Variants in TNXB observed in about 807,000 individuals in gnomAD.
TNXB encodes tenascin-X.
In TNXB, 183 loss-of-function variants were observed where a neutral mutation model predicts 340.5. That is an observed-to-expected ratio of 0.54 (90% CI 0.48 to 0.61). TNXB has a LOEUF of 0.61. Ranked by LOEUF, TNXB falls within the 20% of genes least tolerant of loss-of-function variation. TNXB has a pLI of 0.00. For synonymous variants in TNXB, 2,121 were observed against 2,314.5 expected (o/e 0.92, Z 2.40); for missense variants, 4,613 against 5,446.4 (o/e 0.85, Z 4.82).
rs1406340228 is a variant in TNXB, at chr6:32,096,992, C to T, written c.861G>A (p.Arg287=). The T allele has an allele frequency of 3.1e-6, 5 of 1,613,048 alleles. No individual in the cohort carries two copies. In the South Asian group the frequency reaches 5.5e-5, roughly 18 times the overall value. ...CGCAGCGCCCATTCTCACAGCGCCC[C>T]CTCTGACTGCAACCGCGAGGGCAGC... ...MRSCPRGCSQ[R]GRCENGRCVC... Residue 287 remains arginine (R), a synonymous_variant, in exon 3 of 44, where the codon AGG becomes AGA. Transcript: ENST00000644971.
Position 32,061,770 on chromosome 6 carries a change from T to C in TNXB, c.7169-50A>G, listed in dbSNP as rs765262574. 3 of 1,586,854 alleles carry C rather than the reference T, an allele frequency of 1.9e-6. No individual in the cohort carries two copies. Among genetic ancestry groups the C allele is most frequent in the South Asian group, 2.3e-5 (2 of 88,408 alleles). On this transcript the variant is annotated intron_variant, in intron 20 of 43. Coordinates refer to ENST00000644971, the MANE Select transcript of TNXB (RefSeq NM_001365276.2). The surrounding 1 kb of genome is among the most constrained non-coding windows in gnomAD (Gnocchi z 4.4). ...ATGGCAGGGTCCCTGGGGGATGTGC[T>C]TACGTCGTGGGGAAAAGGAGGGAGA...
chr6:32,077,608 C>T (rs1779149521), intron 11 of TNXB, among the ~76,000 whole-genome samples: 1 of 152,212 alleles, frequency 6.6e-6, no homozygotes, highest in African/African-American at 2.4e-5. Flanking sequence ...GGGCTGAGGC[C>T]CTGGAGAGGA....
Position 32,041,201 on chromosome 6 carries a change from C to T in TNXB, c.*148G>A, listed in dbSNP as rs1311052647. ...TTATTGCTCCCGTACGAACCCCTCC[C>T]CTCCCCCCTGTAAACACAGTGCTGC... On this transcript the variant is annotated 3_prime_UTR_variant, in exon 44 of 44. Transcript: ENST00000644971. 3.1e-6 allele frequency: 3 copies of T among 976,624 alleles called. No homozygotes were observed. The East Asian group carries it at 7.3e-5, about 24-fold the overall frequency. The allele number at this position is 976,624 out of a possible 1,614,324, so 60.5% of individuals were successfully genotyped here.
chr6:32,054,753 C>G (rs1056389747), intron 24 of TNXB, among the ~76,000 whole-genome samples: 9 of 152,228 alleles, frequency 5.9e-5, no homozygotes, highest in African/African-American at 2.2e-4. Context: ...GTGTGTGTCA[C>G]TTTCCAGCTT....
Position 32,074,985 on chromosome 6 carries a change from T to C in TNXB, c.4376-1033A>G, listed in dbSNP as rs1779003833. ...ATGATCCTCCACGCCTGACCAGGAT[T>C]ACAACTTCATTCTTCCAGCTGCTCA... On this transcript the variant is annotated intron_variant, in intron 11 of 43. Transcript: ENST00000644971. This position sits in a 1 kb window ranked among gnomAD's most constrained non-coding sequence, Gnocchi z 5.5. 6.6e-6 allele frequency among the ~76,000 whole-genome samples: 1 copy of C among 152,196 alleles called. No homozygotes were observed. Among genetic ancestry groups the C allele is most frequent in the South Asian group, 2.1e-4 (1 of 4,834 alleles).
rs878879249 is a variant in TNXB at position 32,067,132 on chromosome 6, G to GAAGGAAGGAAGGAAGA, written c.6544+528_6544+529insTCTTCCTTCCTTCCTT. ...AAGAAAGAGAAAGAAAGAAAGGAAG[G>GAAGGAAGGAAGGAAGA]AAGAAAGAAAGAAAGAAAGAAAGAA... On this transcript the variant is annotated intron_variant, in intron 18 of 43. Coordinates refer to ENST00000644971, the MANE Select transcript of TNXB (RefSeq NM_001365276.2). This position sits in a 1 kb window ranked among gnomAD's most constrained non-coding sequence, Gnocchi z 4.2. 5.9e-5 allele frequency among the ~76,000 whole-genome samples: 7 copies of GAAGGAAGGAAGGAAGA among 118,080 alleles called. No individual in the cohort carries two copies. Among genetic ancestry groups the GAAGGAAGGAAGGAAGA allele is most frequent in the African/African-American group, 2.3e-4 (7 of 30,506 alleles). The allele number at this position is 118,080 out of a possible 152,430, so 77.5% of individuals were successfully genotyped here. A position where few individuals can be genotyped will look rare whatever the true frequency, so the allele number is the denominator to read the frequency against.
rs148934769 is a variant in TNXB at position 32,079,199 on chromosome 6, G to A, written c.4209C>T (p.Thr1403=). 7.1e-4 allele frequency: 1,138 copies of A among 1,613,884 alleles called. 8 individuals are homozygous for A. In the Middle Eastern group the frequency reaches 7.5e-3, roughly 11 times the overall value. The change falls in exon 11 of 44, where the codon ACC becomes ACT. Residue 1403 remains threonine, a synonymous_variant. Coordinates refer to ENST00000644971, the MANE Select transcript of TNXB (RefSeq NM_001365276.2). The surrounding 1 kb of genome is among the most constrained non-coding windows in gnomAD (Gnocchi z 7.1). ...GCCCATCCCTGTCCTTGTACTGCAC[G>A]GTGAAAGAGTCGAAGCTGCCCTGGG... The part of the protein sequence containing the change: ...TVPQGSFDSF[T]VQYKDRDGRP...
Position 32,096,717 on chromosome 6 carries a change from C to G in TNXB, c.1136G>C (p.Gly379Ala). The G allele has an allele frequency of 6.5e-7, 1 of 1,550,268 alleles. No homozygotes were observed. ...TTCGCCGTCCTCGCAGCGCCCGCGG[C>G]CCCGGCAGTCCCTCGGACATGTCCG... is the stretch of plus-strand genomic sequence containing the variant. ...STRTCPRDCRGRGRCEDGECI... is the reference protein window; with the variant it reads ...STRTCPRDCRARGRCEDGECI... The change falls in exon 3 of 44, where the codon GGC (glycine) becomes GCC (alanine). Residue 379 changes from glycine (G) to alanine (A), a missense_variant. Transcript: ENST00000644971.
chr6:32,086,674 G>A (rs148178491), intron 6 of TNXB, among the ~76,000 whole-genome samples: 1 of 152,304 alleles, frequency 6.6e-6, no homozygotes, highest in East Asian at 1.9e-4. Flanking sequence ...CGTTCCTGTG[G>A]GAGAGACCAG....
chr6:32,072,431 T>C lies in TNXB; in HGVS notation c.4682-133A>G, dbSNP rs1778833746. The C allele has an allele frequency of 1.5e-6, 1 of 676,874 alleles. No individual in the cohort carries two copies. 41.9% of individuals were successfully genotyped at this position (676,874 alleles called of 1,614,324 possible). On this transcript the variant is annotated intron_variant, in intron 12 of 43. Transcript: ENST00000644971. This position sits in a 1 kb window ranked among gnomAD's most constrained non-coding sequence, Gnocchi z 4.4. Reference sequence around the variant, plus strand: ...TTTACTTCCAGACCTCTAACTGAAATGCAGCATTTCTTTCCAAAACTAATA... The same window carrying C: ...TTTACTTCCAGACCTCTAACTGAAACGCAGCATTTCTTTCCAAAACTAATA...
In TNXB at chr6:32,082,636, A is replaced by C. The variant is rs144438015; in HGVS notation, c.3446-310T>G. On this transcript the variant is annotated intron_variant, in intron 8 of 43. Coordinates refer to ENST00000644971, the MANE Select transcript of TNXB (RefSeq NM_001365276.2). The surrounding 1 kb of genome is among the most constrained non-coding windows in gnomAD (Gnocchi z 5.0). ...CAGCAGGGAGCTTCAGAAAGAGGGG[A>C]GCCCAGCCAGGCCCTTTCACATCTC... Among the ~76,000 whole-genome samples, 1,979 of 152,198 alleles carry C rather than the reference A, an allele frequency of 0.013. 36 individuals are homozygous for C. Among genetic ancestry groups the C allele is most frequent in the Admixed American group, 0.036 (554 of 15,298 alleles).
Position 32,053,507 on chromosome 6 carries a change from G to A in TNXB, c.8672C>T (p.Pro2891Leu), listed in dbSNP as rs749347431. 12 of 1,613,288 alleles carry A rather than the reference G, an allele frequency of 7.4e-6. No individual in the cohort carries two copies. The highest frequency in any genetic ancestry group is 4.4e-5 in the South Asian group (4 of 91,060). ...GDGQPKVVRV[P>L]GHEDGVTISG... The stretch of plus-strand genomic sequence containing the variant: ...GATGGTGACCCCGTCCTCGTGCCCC[G>A]GCACCCGCACCACCTTGGGCTGCCC... The change falls in exon 25 of 44, where the codon CCG becomes CTG. Residue 2891 changes from proline (P) to leucine (L), a missense_variant. Pro to Leu is a moderately conservative substitution (Grantham distance 98). Around this residue, in one of 7 missense-constraint regions of TNXB, gnomAD observed 4,327 missense variants for 4,859.4 expected, o/e 0.89. Coordinates refer to ENST00000644971, the MANE Select transcript of TNXB (RefSeq NM_001365276.2).
Position 32,089,002 on chromosome 6 carries a change from T to G in TNXB, c.2562A>C (p.Thr854=), listed in dbSNP as rs1179322894. 1 of 1,611,008 alleles carries G rather than the reference T, an allele frequency of 6.2e-7. No homozygotes were observed. Among genetic ancestry groups the G allele is most frequent in the Non-Finnish European group, 8.5e-7 (1 of 1,178,922 alleles). The change falls in exon 6 of 44, where the codon ACA becomes ACC. Residue 854 remains threonine, a synonymous_variant. Transcript: ENST00000644971. The surrounding 1 kb of genome is among the most constrained non-coding windows in gnomAD (Gnocchi z 6.2). ...GACGCAGCCAGCCAAGCTCCAGTGT[T>G]GTCGGTGTCACAGCCACCACTCGGA... ...QDLRVVAVTP[T]TLELGWLRPQ...
rs778890919 is a variant in TNXB, at chr6:32,070,400, C to A, written c.5005G>T (p.Ala1669Ser). The change falls in exon 14 of 44, where the codon GCC becomes TCC. Residue 1669 changes from alanine to serine, a missense_variant. This residue lies in a region of TNXB where 4,327 missense variants were observed against 4,859.4 expected (regional missense o/e 0.89). Coordinates refer to ENST00000644971, the MANE Select transcript of TNXB (RefSeq NM_001365276.2). The surrounding 1 kb of genome is among the most constrained non-coding windows in gnomAD (Gnocchi z 6.0). ...AGGCGGGGTGGGGCCCCTGGGCTGGCGTCACCTCGGGCAACTGGAGAGGAA... is the reference window on the plus strand; with the variant it reads ...AGGCGGGGTGGGGCCCCTGGGCTGGAGTCACCTCGGGCAACTGGAGAGGAA... Reference protein sequence around the residue: ...VEAKTVARGDASPGAPPRLGE... With the variant: ...VEAKTVARGDSSPGAPPRLGE... 2 of 1,590,572 alleles carry A rather than the reference C, an allele frequency of 1.3e-6. No homozygotes were observed. Among genetic ancestry groups the A allele is most frequent in the African/African-American group, 2.7e-5 (2 of 74,552 alleles).
chr6:32,103,923 G>A (rs985307753), intron 1 of TNXB, among the ~76,000 whole-genome samples: 3 of 151,982 alleles, frequency 2.0e-5, no homozygotes, highest in Admixed American at 1.3e-4. Context: ...TAGAGACGAG[G>A]TTTCACCATC....
rs568289240 is a variant in TNXB at position 32,061,329 on chromosome 6, G to A, written c.7492+68C>T. 8.9e-6 allele frequency: 14 copies of A among 1,570,762 alleles called. No homozygotes were observed. In the African/African-American group the frequency reaches 1.9e-4, roughly 22 times the overall value. On this transcript the variant is annotated intron_variant, in intron 21 of 43. Coordinates refer to ENST00000644971, the MANE Select transcript of TNXB (RefSeq NM_001365276.2). This position sits in a 1 kb window ranked among gnomAD's most constrained non-coding sequence, Gnocchi z 4.4. ...TCTGGACCCACAGGGCTTGGTGAAA[G>A]GGCACAGCAGTAAACCAGGTACCCA...
In TNXB at chr6:32,095,849, C is replaced by T. The variant is rs752969235; in HGVS notation, c.2004G>A (p.Leu668=). ...GRGRCVQGVC[L]CHVGYGGEDC... is the part of the protein sequence containing the mutation. ...CCTCACCGCCATAGCCCACGTGGCA[C>T]AGGCACACTCCTTGCACACACCGCC... Residue 668 remains leucine (L), a synonymous_variant, in exon 3 of 44, where the codon CTG becomes CTA. Coordinates refer to ENST00000644971, the MANE Select transcript of TNXB (RefSeq NM_001365276.2). The T allele has an allele frequency of 6.2e-7, 1 of 1,612,622 alleles. No individual in the cohort carries two copies. The highest frequency in any genetic ancestry group is 8.5e-7 in the Non-Finnish European group (1 of 1,179,416).
At position 32,096,282 on chromosome 6, in the gene TNXB, C is replaced by A; in HGVS notation, c.1571G>T (p.Gly524Val). 1 of 1,557,726 alleles carries A rather than the reference C, an allele frequency of 6.4e-7. No homozygotes were observed. ...CNPGFTGEDCGSRRCPGDCRG... is the reference protein window; with the variant it reads ...CNPGFTGEDCVSRRCPGDCRG... ...GCAGTCCCCGGGACAGCGACGGCTC[C>A]CACAGTCCTCACCGGTGAAGCCCGG... The change falls in exon 3 of 44, where the codon GGG (glycine) becomes GTG (valine). Residue 524 changes from glycine to valine, a missense_variant. Gly to Val is a moderately radical substitution (Grantham distance 109). This residue lies in a region of TNXB where 4,327 missense variants were observed against 4,859.4 expected (regional missense o/e 0.89). Transcript: ENST00000644971.
At chr6:32,057,508 G>A (rs1251257598) in intron 22 of TNXB, among the ~76,000 whole-genome samples, 3 of 152,170 alleles carry the variant, frequency 2.0e-5, no homozygotes, top group Admixed American at 6.5e-5. Flanking sequence ...CCACGGATGA[G>A]CTTCACACAG....
Sources: allele counts gnomAD v4.1 joint callset (sites outside exome capture counted in the v4.1 genomes callset), GRCh38; gene constraint gnomAD v4.1.1; regional missense constraint gnomAD v4.1.1; non-coding constraint Gnocchi (gnomAD v3.1); transcripts MANE v1.5; gene names NCBI Gene and HGNC (gene_info 2026-07-23, HGNC 2026-07-21).